CLIP4: variants seen among roughly 807,000 people sequenced by gnomAD.
CLIP4 encodes CAP-Gly domain containing linker protein family member 4.
CLIP4 carries 47 observed loss-of-function variants against 73.1 expected under a neutral mutation model. The ratio of observed to expected loss-of-function variants is 0.64; its 90% CI spans 0.51 to 0.82. CLIP4 has a LOEUF of 0.82. Ranked by LOEUF, CLIP4 falls within the 40% of genes least tolerant of loss-of-function variation. The pLI is 0.00. For missense variants in CLIP4, 874 were observed against 852.9 expected, an observed-to-expected ratio of 1.02 and a Z score of -0.31; for synonymous variants, 306 against 295.4, an observed-to-expected ratio of 1.04 and a Z score of -0.37.
chr2:29,120,512 T>C (rs1180322397), intron 1 of CLIP4, among the ~76,000 whole-genome samples: 1 of 152,194 alleles, frequency 6.6e-6, no homozygotes, highest in Non-Finnish European at 1.5e-5. Flanking sequence ...TGCTTTCTAC[T>C]GAAATAATCT....
intron 15 of CLIP4, among the ~76,000 whole-genome samples, chr2:29,175,766 A>AT (rs1191231611): frequency 6.6e-6 from 1 of 151,944 alleles, no homozygotes; most frequent in African/African-American, 2.4e-5. Flanking sequence ...TCTTTTTTTA[A>AT]TTTTTTTATT....
At chr2:29,171,375 CATA>C (rs1667989269) in intron 14 of CLIP4, among the ~76,000 whole-genome samples, 1 of 152,030 alleles carries the variant, frequency 6.6e-6, no homozygotes. Context: ...GTGTTGCTTT[CATA>C]ATAATATATA....
intron 15 of CLIP4, 150 bp downstream of exon 15, chr2:29,174,595 G>T: frequency 7.3e-7 from 1 of 1,364,314 alleles, no homozygotes; most frequent in Non-Finnish European, 9.4e-7. Context: ...ATTGAGAAGC[G>T]TTCTTCCTCC....
At chr2:29,177,016 C>T (rs1395336474) in intron 15 of CLIP4, among the ~76,000 whole-genome samples, 2 of 152,204 alleles carry the variant, frequency 1.3e-5, no homozygotes, top group African/African-American at 2.4e-5. Context: ...AAGACCTACA[C>T]GATTGGCTCT....
chr2:29,149,191 A>G (rs1006498441), intron 8 of CLIP4, among the ~76,000 whole-genome samples: 1 of 152,206 alleles, frequency 6.6e-6, no homozygotes, highest in South Asian at 2.1e-4. Flanking sequence ...AAAATTGACC[A>G]ATAAACAGGC....
At chr2:29,159,842 T>G (rs896909122) in intron 11 of CLIP4, among the ~76,000 whole-genome samples, 1 of 152,260 alleles carries the variant, frequency 6.6e-6, no homozygotes, top group African/African-American at 2.4e-5. Flanking sequence ...CACTTGTTTT[T>G]GTAAATAAAG....
At chr2:29,107,666 G>A (rs1028774165) in intron 1 of CLIP4, among the ~76,000 whole-genome samples, 7 of 151,378 alleles carry the variant, frequency 4.6e-5, no homozygotes, top group East Asian at 2.0e-4. Flanking sequence ...GAGCCACCAC[G>A]CCTGGCTGAG....
chr2:29,135,495 A>G (rs777626366), intron 5 of CLIP4, 53 bp from the exon 6 acceptor site: 16 of 1,335,614 alleles, frequency 1.2e-5, no homozygotes, highest in Non-Finnish European at 1.7e-5. Context: ...CTTTTAAATT[A>G]TGATAGCTAA....
chr2:29,149,803 G>T (rs1245059150), intron 8 of CLIP4, among the ~76,000 whole-genome samples: 1 of 150,874 alleles, frequency 6.6e-6, no homozygotes, highest in African/African-American at 2.4e-5. Context: ...TTAAGCCATA[G>T]AATTAAATAT....
At chr2:29,104,846 TG>T in intron 1 of CLIP4, among the ~76,000 whole-genome samples, 1 of 152,278 alleles carries the variant, frequency 6.6e-6, no homozygotes, top group Non-Finnish European at 1.5e-5. Flanking sequence ...CATCCTGCTG[TG>T]AAGTCTGAGT....
In CLIP4 at chr2:29,143,412, T is replaced by TTTTTC. The variant is rs58842734; in HGVS notation, c.649-297_649-296insTTTTC. Among the ~76,000 whole-genome samples the TTTTTC allele has an allele frequency of 2.8e-3, 413 of 145,594 alleles. 5 individuals are homozygous for TTTTTC. Among genetic ancestry groups the TTTTTC allele is most frequent in the South Asian group, 0.025 (114 of 4,632 alleles). On this transcript the variant is annotated intron_variant, in intron 6 of 15. Coordinates refer to ENST00000320081, the MANE Select transcript of CLIP4 (RefSeq NM_024692.6). ...ATTCCCCTTCCCTGTTTTTTTTTTT[T>TTTTTC]CCCTCCAGGCCACTTATGACTGTTT...
chr2:29,143,400 G>GT (rs745440777), intron 6 of CLIP4, among the ~76,000 whole-genome samples: 4,721 of 39,488 alleles, frequency 0.12, 111 homozygotes, highest in Non-Finnish European at 0.2. Flanking sequence ...CCCCTTCCCT[G>GT]TTTTTTTTTT....
At chr2:29,147,676 C>CT (rs1206675924) in intron 8 of CLIP4, among the ~76,000 whole-genome samples, 2 of 151,920 alleles carry the variant, frequency 1.3e-5, no homozygotes, top group African/African-American at 2.4e-5. Flanking sequence ...GGATATTCAT[C>CT]ACTTCAAACA....
At chr2:29,110,226 C>G (rs1360676106) in intron 1 of CLIP4, among the ~76,000 whole-genome samples, 1 of 152,160 alleles carries the variant, frequency 6.6e-6, no homozygotes, top group Non-Finnish European at 1.5e-5. Flanking sequence ...TCTCGTGCGG[C>G]TCAATGGAGT....
At chr2:29,123,151 G>C (rs1558518829) in intron 2 of CLIP4, among the ~76,000 whole-genome samples, 1 of 152,176 alleles carries the variant, frequency 6.6e-6, no homozygotes, top group Non-Finnish European at 1.5e-5. Flanking sequence ...TCTGCAGATA[G>C]TTTGAACATT....
At chr2:29,161,131 C>T (rs960281049) in intron 12 of CLIP4, among the ~76,000 whole-genome samples, 46 of 152,106 alleles carry the variant, frequency 3.0e-4, no homozygotes, top group African/African-American at 8.7e-4. Context: ...TGCGCCACCA[C>T]GCCCCGCTAA....
intron 7 of CLIP4, among the ~76,000 whole-genome samples, chr2:29,144,829 G>A (rs1197554128): frequency 8.6e-6 from 1 of 115,666 alleles, no homozygotes; most frequent in Non-Finnish European, 1.7e-5. Context: ...TTTGAGAAGA[G>A]TCTCACTTTG....
At chr2:29,104,173 C>T (rs986998445) in intron 1 of CLIP4, among the ~76,000 whole-genome samples, 2 of 152,168 alleles carry the variant, frequency 1.3e-5, no homozygotes, top group Admixed American at 6.5e-5. Flanking sequence ...AGGAAAGGGA[C>T]ACGTCTTATG....
At chr2:29,145,525 T>C (rs1006760105) in intron 8 of CLIP4, among the ~76,000 whole-genome samples, 158 bp downstream of exon 8, 3 of 152,196 alleles carry the variant, frequency 2.0e-5, no homozygotes, top group Admixed American at 1.3e-4. Context: ...GAGATAGTTA[T>C]ATTTATTTAC....
Sources: allele counts gnomAD v4.1 joint callset (sites outside exome capture counted in the v4.1 genomes callset), GRCh38; gene constraint gnomAD v4.1.1; transcripts MANE v1.5; gene names NCBI Gene and HGNC (gene_info 2026-07-23, HGNC 2026-07-21).